The following PCDHA13 variants were observed in gnomAD, a reference collection of about 807,000 sequenced individuals.
PCDHA13 encodes the protein protocadherin alpha-13.
PCDHA13 carries 54 observed loss-of-function variants against 64.8 expected under a neutral mutation model. That is an observed-to-expected ratio of 0.83 (90% CI 0.67 to 1.04). The LOEUF is 1.04. PCDHA13 is among the 50% of genes least tolerant of loss of function. The pLI is 0.00. For synonymous variants in PCDHA13, 587 were observed against 564.4 expected, an observed-to-expected ratio of 1.04 and a Z score of -0.57; for missense variants, 1,248 against 1,254.3, an observed-to-expected ratio of 0.99 and a Z score of 0.08.
chr5:140,967,865 C>G, intron 1 of PCDHA13: 1 of 1,614,164 alleles, frequency 6.2e-7, no homozygotes, highest in Non-Finnish European at 8.5e-7. Flanking sequence ...AGAGGTGGTG[C>G]TCACGGACCT....
intron 3 of PCDHA13, among the ~76,000 whole-genome samples, chr5:140,999,867 C>A (rs1269782566): frequency 1.3e-5 from 2 of 152,190 alleles, no homozygotes; most frequent in African/African-American, 4.8e-5. Context: ...TCCAAGATTA[C>A]TGAAAATTAG....
At chr5:140,991,101 T>C (rs1281707030) in intron 3 of PCDHA13, among the ~76,000 whole-genome samples, 3 of 152,218 alleles carry the variant, frequency 2.0e-5, no homozygotes, top group African/African-American at 4.8e-5. Flanking sequence ...CTCATAAGAA[T>C]TAAGTGGCTT....
intron 1 of PCDHA13, among the ~76,000 whole-genome samples, chr5:140,941,202 C>CTTTCTTTCTTTCTTTCTTTCTTTCTTT (rs1554213921): frequency 8.1e-6 from 1 of 122,708 alleles, no homozygotes; most frequent in Admixed American, 8.6e-5. Context: ...TTTCTTTCTT[C>CTTTCTTTCTTTCTTTCTTTCTTTCTTT]CTTTCTTTCT....
chr5:140,919,733 AG>A (rs1426663186), intron 1 of PCDHA13, among the ~76,000 whole-genome samples: 1 of 152,194 alleles, frequency 6.6e-6, no homozygotes, highest in Admixed American at 6.5e-5. Flanking sequence ...TGTTACTTCT[AG>A]ATAGCTTTAT....
chr5:140,928,791 G>A, intron 1 of PCDHA13: 1 of 1,614,138 alleles, frequency 6.2e-7, no homozygotes, highest in South Asian at 1.1e-5. Flanking sequence ...TTAAGCAGAG[G>A]GTGGTGGTAG....
intron 1 of PCDHA13, among the ~76,000 whole-genome samples, chr5:140,918,875 T>G (rs1283138930): frequency 2.0e-5 from 3 of 152,188 alleles, no homozygotes; most frequent in African/African-American, 7.2e-5. Context: ...CTTTCAAGCC[T>G]CTAGAACAGT....
chr5:141,000,416 TATA>T lies in PCDHA13; in HGVS notation c.2543-9210_2543-9208del, dbSNP rs1254571264. Among the ~76,000 whole-genome samples the T allele has an allele frequency of 5.1e-3, 472 of 93,246 alleles. 2 individuals carry two copies. Among genetic ancestry groups the T allele is most frequent in the Non-Finnish European group, 6.8e-3 (330 of 48,634 alleles). 61.2% of individuals were successfully genotyped at this position (93,246 alleles called of 152,430 possible). On this transcript the variant is annotated intron_variant, in intron 3 of 3. Transcript: ENST00000289272. ...CTCTCTATATATATATATATATATA[TATA>T]TATTTTTTTTTTTTTTTTTTTTTTT...
In PCDHA13 at chr5:140,900,436, G is replaced by C. The variant is rs553121120; in HGVS notation, c.2394+15774G>C. 8.5e-5 allele frequency among the ~76,000 whole-genome samples: 13 copies of C among 152,126 alleles called. No individual in the cohort carries two copies. The East Asian group carries it at 2.5e-3, about 30-fold the overall frequency. ...GGGATTATAGGCACGTGCCACCACG[G>C]CCGGCTAATTTTTTATTTTTAGTAG... On this transcript the variant is annotated intron_variant, in intron 1 of 3. Transcript: ENST00000289272.
chr5:140,930,411 A>C (rs1554207797), intron 1 of PCDHA13: 2 of 149,218 alleles, frequency 1.3e-5, no homozygotes, highest in African/African-American at 2.5e-5. Context: ...TTTTTGAGAC[A>C]GGGGTCTCAC....
At chr5:140,928,469 A>G in intron 1 of PCDHA13, 1 of 1,614,144 alleles carries the variant, frequency 6.2e-7, no homozygotes, top group Non-Finnish European at 8.5e-7. Context: ...TTCCAAGTAG[A>G]AGGCCGGGAT....
intron 1 of PCDHA13, among the ~76,000 whole-genome samples, chr5:140,921,037 T>C (rs2079983245): frequency 1.3e-5 from 2 of 151,986 alleles, no homozygotes; most frequent in Admixed American, 1.3e-4. Context: ...TGGGGTGCAG[T>C]GGGGCAATCA....
chr5:140,966,860 T>A, intron 1 of PCDHA13: 1 of 1,577,482 alleles, frequency 6.3e-7, no homozygotes, highest in Middle Eastern at 1.7e-4. Flanking sequence ...CCTGCTGCTG[T>A]TGCTGCTGCT....
intron 1 of PCDHA13, chr5:140,928,354 A>G: frequency 6.2e-7 from 1 of 1,614,150 alleles, no homozygotes; most frequent in Non-Finnish European, 8.5e-7. Flanking sequence ...GTTGGATGTT[A>G]TCTCTGAAGG....
intron 3 of PCDHA13, among the ~76,000 whole-genome samples, chr5:141,009,094 C>A (rs1350235475): frequency 6.6e-6 from 1 of 152,176 alleles, no homozygotes; most frequent in Non-Finnish European, 1.5e-5. Context: ...AAGAACCAAA[C>A]ATATGTTACT....
At chr5:140,893,088 T>C (rs1340937679) in intron 1 of PCDHA13, among the ~76,000 whole-genome samples, 2 of 152,372 alleles carry the variant, frequency 1.3e-5, no homozygotes, top group African/African-American at 4.8e-5. Flanking sequence ...CATTCTTTTT[T>C]ATGGCTGGAT....
intron 1 of PCDHA13, among the ~76,000 whole-genome samples, chr5:140,902,816 G>A (rs1447534950): frequency 6.6e-6 from 1 of 150,906 alleles, no homozygotes; most frequent in Non-Finnish European, 1.5e-5. Flanking sequence ...TACAATATTT[G>A]GTTTTCGATT....
intron 1 of PCDHA13, chr5:140,930,511 C>G (rs2086907383): frequency 6.6e-6 from 1 of 152,616 alleles, no homozygotes; most frequent in African/African-American, 2.4e-5. Context: ...GCATGAGCCA[C>G]TGCAGCTGGC....
At position 140,910,081 on chromosome 5, in the gene PCDHA13, A is replaced by G. The variant is rs183187398; in HGVS notation, c.2394+25419A>G. 2.8e-3 allele frequency among the ~76,000 whole-genome samples: 421 copies of G among 152,330 alleles called. 2 individuals are homozygous for G. Among genetic ancestry groups the G allele is most frequent in the Middle Eastern group, 0.014 (4 of 294 alleles). On this transcript the variant is annotated intron_variant, in intron 1 of 3. Coordinates refer to ENST00000289272, the MANE Select transcript of PCDHA13 (RefSeq NM_018904.3). Reference sequence around the variant, plus strand: ...CTTTTAACAGCGTAAATTGTTGTCAAGGGGAACCAGCCTCCCCTTCATTTA... The same window carrying G: ...CTTTTAACAGCGTAAATTGTTGTCAGGGGGAACCAGCCTCCCCTTCATTTA...
In PCDHA13 at chr5:140,883,306, C is replaced by G; in HGVS notation, c.1038C>G (p.Asn346Lys). 6.2e-7 allele frequency: 1 copy of G among 1,614,050 alleles called. No individual in the cohort carries two copies. Among genetic ancestry groups the G allele is most frequent in the Non-Finnish European group, 8.5e-7 (1 of 1,180,014 alleles). The change falls in exon 1 of 4, where the codon AAC (asparagine) becomes AAG (lysine). Residue 346 changes from asparagine to lysine, a missense_variant. Asn to Lys is a moderately conservative substitution (Grantham distance 94). Coordinates refer to ENST00000289272, the MANE Select transcript of PCDHA13 (RefSeq NM_018904.3). Reference sequence around the variant, plus strand: ...TGGAAGTACTAGATGTAAATGATAACGCCCCAGAGGTTACCATCACTTCTT... The same window carrying G: ...TGGAAGTACTAGATGTAAATGATAAGGCCCCAGAGGTTACCATCACTTCTT... The part of the protein sequence containing the change: ...LLVEVLDVND[N>K]APEVTITSLS...
Sources: allele counts gnomAD v4.1 joint callset (sites outside exome capture counted in the v4.1 genomes callset), GRCh38; gene constraint gnomAD v4.1.1; transcripts MANE v1.5; gene names NCBI Gene and HGNC (gene_info 2026-07-23, HGNC 2026-07-21).